Variants in MEFV observed in about 807,000 individuals in gnomAD.
The protein encoded by MEFV is MEFV innate immunity regulator, pyrin.
A neutral mutation model predicts 62.5 loss-of-function variants in MEFV; 60 were observed. That is an observed-to-expected ratio of 0.96 (90% CI 0.78 to 1.19). The LOEUF is 1.19. Among genes scored for constraint, MEFV ranks in the 50% most tolerant of loss-of-function variants. The pLI is 0.00. For synonymous variants in MEFV, 500 were observed against 415.2 expected (o/e 1.20, Z -2.48); for missense variants, 1,169 against 1,004.5 (o/e 1.16, Z -2.21).
At chr16:3,248,184 C>T (rs920573871) in intron 4 of MEFV, among the ~76,000 whole-genome samples, 3 of 149,896 alleles carry the variant, frequency 2.0e-5, no homozygotes, top group East Asian at 2.0e-4. Context: ...GCTTGAACCT[C>T]GGAGGTGGAG....
In MEFV at chr16:3,254,411, G is replaced by A. The variant is rs104895182; in HGVS notation, c.657C>T (p.Gly219=). The A allele has an allele frequency of 1.0e-4, 162 of 1,608,466 alleles. No homozygotes were observed. Among genetic ancestry groups the A allele is most frequent in the Non-Finnish European group, 1.3e-4 (155 of 1,178,804 alleles). The change falls in exon 2 of 10, where the codon GGC becomes GGT. Residue 219 remains glycine (G), a synonymous_variant. Coordinates refer to ENST00000219596, the MANE Select transcript of MEFV (RefSeq NM_000243.3). ...SAGRLQGLAG[G]APGQKECRPF... is the part of the protein sequence containing the mutation. Reference sequence around the variant, plus strand: ...GCCTGCACTCCTTCTGCCCCGGGGCGCCCCCCGCCAGCCCCTGCAGCCTCC... The same window carrying A: ...GCCTGCACTCCTTCTGCCCCGGGGCACCCCCCGCCAGCCCCTGCAGCCTCC...
In MEFV at chr16:3,254,490, G is replaced by T. The variant is rs778534523; in HGVS notation, c.578C>A (p.Ala193Glu). 3.2e-6 allele frequency: 5 copies of T among 1,582,764 alleles called. No homozygotes were observed. In the South Asian group the frequency reaches 5.6e-5, roughly 18 times the overall value. The change falls in exon 2 of 10, where the codon GCG becomes GAG. Residue 193 changes from alanine (A) to glutamate (E), a missense_variant. Physicochemically the swap from Ala to Glu is moderately radical, Grantham distance 107. Coordinates refer to ENST00000219596, the MANE Select transcript of MEFV (RefSeq NM_000243.3). ...PGGRSPGPCR[A>E]LEGGQAEVRL... ...GACCTCGGCCTGGCCCCCCTCTAGCGCCCTGCAGGGGCCGGGGCTTCTCCC... is the reference window on the plus strand; with the variant it reads ...GACCTCGGCCTGGCCCCCCTCTAGCTCCCTGCAGGGGCCGGGGCTTCTCCC...
chr16:3,249,833 A>G (rs1959007296), intron 2 of MEFV, 53 bp from the exon 3 acceptor site: 1 of 1,460,170 alleles, frequency 6.8e-7, no homozygotes, highest in Non-Finnish European at 9.5e-7. Flanking sequence ...AGTTGCTTAC[A>G]CAGAGGTATC....
rs943777537 is a variant in MEFV at position 3,254,424 on chromosome 16, C to T, written c.644G>A (p.Gly215Glu). 1.2e-6 allele frequency: 2 copies of T among 1,612,602 alleles called. No homozygotes were observed. The highest frequency in any genetic ancestry group is 2.2e-5 in the South Asian group (2 of 91,070). The stretch of plus-strand genomic sequence containing the variant: ...CTGCCCCGGGGCGCCCCCCGCCAGC[C>T]CCTGCAGCCTCCCCGCGGAGCTGGC... ...RNASSAGRLQGLAGGAPGQKE... is the reference protein window; with the variant it reads ...RNASSAGRLQELAGGAPGQKE... Residue 215 changes from glycine to glutamate, a missense_variant, in exon 2 of 10, where the codon GGG (glycine) becomes GAG (glutamate). Gly to Glu is a moderately conservative substitution (Grantham distance 98). Coordinates refer to ENST00000219596, the MANE Select transcript of MEFV (RefSeq NM_000243.3).
At position 3,242,649 on chromosome 16, in the gene MEFV, G is replaced by T. The variant is rs1958872059; in HGVS notation, c.*492C>A. 7 of 210,304 alleles carry T rather than the reference G, an allele frequency of 3.3e-5. 1 individual carries two copies. The South Asian group carries it at 4.2e-4, about 13-fold the overall frequency. The allele number at this position is 210,304 out of a possible 1,614,324, so 13.0% of individuals were successfully genotyped here. On this transcript the variant is annotated 3_prime_UTR_variant, in exon 10 of 10. Transcript: ENST00000219596. ...GATCGTGCCACTGCACTCCAGCCTG[G>T]GCCACAGAGCAAGATTTGGTCTCAA...
intron 6 of MEFV, 64 bp from the exon 7 acceptor site, chr16:3,244,652 G>A (rs1958912351): frequency 8.2e-7 from 1 of 1,223,302 alleles, no homozygotes. Context: ...GTACCCGTGA[G>A]CTGGAAATGA....
chr16:3,250,012 T>C (rs1286848512), intron 2 of MEFV, among the ~76,000 whole-genome samples: 1 of 152,246 alleles, frequency 6.6e-6, no homozygotes, highest in Non-Finnish European at 1.5e-5. Flanking sequence ...CTTGGAATTC[T>C]TGGGCATTTA....
chr16:3,243,780 G>C, intron 9 of MEFV, 80 bp downstream of exon 9: 2 of 1,608,642 alleles, frequency 1.2e-6, no homozygotes, highest in South Asian at 1.1e-5. Context: ...ACAGGGACAG[G>C]GTAGTTCTTC....
intron 1 of MEFV, 81 bp downstream of exon 1, chr16:3,256,230 C>A: frequency 6.6e-7 from 1 of 1,516,776 alleles, no homozygotes; most frequent in Non-Finnish European, 9.0e-7. Context: ...TCAGAGTGAG[C>A]TGCTCTGAGC....
At chr16:3,244,226 C>G in intron 8 of MEFV, 28 bp downstream of exon 8, 4 of 1,613,952 alleles carry the variant, frequency 2.5e-6, no homozygotes, top group Non-Finnish European at 3.4e-6. Flanking sequence ...AACCCCAGGC[C>G]AGCACACACC....
Position 3,247,162 on chromosome 16 carries a change from C to A in MEFV, c.1441G>T (p.Val481Leu), listed in dbSNP as rs1487427766. The stretch of plus-strand genomic sequence containing the variant: ...TGGCCCACGTCCTCCAGTGAGGCCA[C>A]AAAGAAATGCTCTTGCTGCTCCAGG... ...YFLEQQEHFF[V>L]ASLEDVGQMV... Residue 481 changes from valine to leucine, a missense_variant, in exon 5 of 10, where the codon GTG becomes TTG. Coordinates refer to ENST00000219596, the MANE Select transcript of MEFV (RefSeq NM_000243.3). 2.5e-6 allele frequency: 4 copies of A among 1,614,160 alleles called. No individual in the cohort carries two copies. The highest frequency in any genetic ancestry group is 3.4e-6 in the Non-Finnish European group (4 of 1,180,016).
At chr16:3,256,060 C>T (rs899722293) in intron 1 of MEFV, among the ~76,000 whole-genome samples, 1 of 152,140 alleles carries the variant, frequency 6.6e-6, no homozygotes, top group South Asian at 2.1e-4. Flanking sequence ...ACAGGTGTTC[C>T]AGCTCCTGCC....
At chr16:3,254,868 T>C (rs1271178843) in intron 1 of MEFV, 78 bp from the exon 2 acceptor site, 22 of 1,597,142 alleles carry the variant, frequency 1.4e-5, no homozygotes, top group African/African-American at 2.7e-5. Flanking sequence ...GGAGAGAGAA[T>C]CCCCTTGGAT....
At chr16:3,255,708 G>A (rs1959106918) in intron 1 of MEFV, among the ~76,000 whole-genome samples, 1 of 152,046 alleles carries the variant, frequency 6.6e-6, no homozygotes, top group Non-Finnish European at 1.5e-5. Flanking sequence ...ACCATGCCTA[G>A]CCTATATTTC....
intron 6 of MEFV, among the ~76,000 whole-genome samples, chr16:3,246,013 A>T (rs1958937635): frequency 6.6e-6 from 1 of 152,250 alleles, no homozygotes; most frequent in Non-Finnish European, 1.5e-5. Context: ...ACACGTTACA[A>T]CACGGATGAA....
chr16:3,251,596 A>G (rs1017347345), intron 2 of MEFV, among the ~76,000 whole-genome samples: 1 of 152,212 alleles, frequency 6.6e-6, no homozygotes, highest in Non-Finnish European at 1.5e-5. Flanking sequence ...AATTTTAATG[A>G]CTACCTCAGC....
chr16:3,249,864 C>A (rs1245453971), intron 2 of MEFV, 84 bp from the exon 3 acceptor site: 4 of 1,126,240 alleles, frequency 3.6e-6, no homozygotes, highest in Non-Finnish European at 4.0e-6. Context: ...GCGGACACAG[C>A]CCTTGCCTGA....
chr16:3,254,939 C>T lies in MEFV; in HGVS notation c.278-149G>A, dbSNP rs549546144. 193 of 1,336,062 alleles carry T rather than the reference C, an allele frequency of 1.4e-4. No individual in the cohort carries two copies. The African/African-American group carries it at 2.4e-3, about 17-fold the overall frequency. 82.8% of individuals were successfully genotyped at this position (1,336,062 alleles called of 1,614,324 possible). The stretch of plus-strand genomic sequence containing the variant: ...GGCGCGGTGGCTCATGCCTGTATTC[C>T]CGGCACTCTGGGAGGCCGAGGCGGG... On this transcript the variant is annotated intron_variant, in intron 1 of 9. Transcript: ENST00000219596.
intron 2 of MEFV, among the ~76,000 whole-genome samples, chr16:3,252,767 G>C (rs529932439): frequency 1.5e-5 from 2 of 135,882 alleles, no homozygotes; most frequent in African/African-American, 5.6e-5. Context: ...GACAGTCCTC[G>C]TAACTACAAA....
Sources: gnomAD v4.1 joint callset for allele counts (sites outside exome capture counted in the v4.1 genomes callset) on GRCh38, gnomAD v4.1.1 for gene constraint, MANE v1.5 for transcripts, NCBI Gene and HGNC (gene_info 2026-07-23, HGNC 2026-07-21) for gene names.